AGMO: variants seen among roughly 807,000 people sequenced by gnomAD.
AGMO encodes alkylglycerol monooxygenase.
A neutral mutation model predicts 60.2 loss-of-function variants in AGMO; 75 were observed. That is an observed-to-expected ratio of 1.25 (90% CI 1.03 to 1.51). The LOEUF (loss-of-function observed/expected upper bound fraction) is 1.51. AGMO is among the 40% of genes most tolerant of loss of function. The pLI, the probability that AGMO is intolerant of heterozygous loss-of-function variation, is 0.00. For synonymous variants in AGMO, 261 were observed against 177.1 expected (o/e 1.47, Z -3.76); for missense variants, 763 against 525.5 (o/e 1.45, Z -4.42).
At chr7:15,469,743 T>C (rs1463387807) in intron 3 of AGMO, among the ~76,000 whole-genome samples, 4 of 152,076 alleles carry the variant, frequency 2.6e-5, no homozygotes, top group African/African-American at 9.7e-5. Flanking sequence ...AGATAGAGAA[T>C]ACATAAGGAA....
intron 12 of AGMO, among the ~76,000 whole-genome samples, chr7:15,325,387 G>C (rs1781305485): frequency 6.6e-6 from 1 of 151,808 alleles, no homozygotes; most frequent in African/African-American, 2.4e-5. Context: ...AATATTATCT[G>C]CAATTATTTA....
chr7:15,471,370 A>G (rs752805536), intron 3 of AGMO, among the ~76,000 whole-genome samples: 6 of 151,808 alleles, frequency 4.0e-5, no homozygotes, highest in Non-Finnish European at 8.8e-5. Flanking sequence ...AATTCAACAT[A>G]ATAATTATGA....
At chr7:15,351,309 T>C (rs1043342588) in intron 12 of AGMO, among the ~76,000 whole-genome samples, 7 of 152,100 alleles carry the variant, frequency 4.6e-5, no homozygotes, top group Non-Finnish European at 8.8e-5. Flanking sequence ...TTCTCCGCCA[T>C]TATGTAAGTA....
At chr7:15,440,174 T>C (rs1205617444) in intron 3 of AGMO, among the ~76,000 whole-genome samples, 3 of 152,146 alleles carry the variant, frequency 2.0e-5, no homozygotes, top group Admixed American at 6.5e-5. Context: ...TTATGTCCAA[T>C]AAGTACCAGT....
intron 12 of AGMO, among the ~76,000 whole-genome samples, chr7:15,317,131 A>C (rs774911831): frequency 5.9e-5 from 9 of 152,172 alleles, no homozygotes; most frequent in Non-Finnish European, 1.2e-4. Context: ...TCAAAGTGGT[A>C]ACGTTGACTT....
chr7:15,227,691 A>T (rs1782128521), intron 12 of AGMO, among the ~76,000 whole-genome samples: 1 of 152,108 alleles, frequency 6.6e-6, no homozygotes, highest in African/African-American at 2.4e-5. Flanking sequence ...ATTTACACGT[A>T]TCATCCATGA....
intron 3 of AGMO, among the ~76,000 whole-genome samples, chr7:15,453,479 G>C (rs968411562): frequency 3.9e-5 from 6 of 152,156 alleles, no homozygotes; most frequent in African/African-American, 1.4e-4. Context: ...GCTGCAAAAA[G>C]TGCTGCCTTA....
chr7:15,547,803 T>C (rs912447627), intron 2 of AGMO, among the ~76,000 whole-genome samples: 32 of 151,778 alleles, frequency 2.1e-4, no homozygotes, highest in African/African-American at 7.5e-4. Flanking sequence ...TCCAACTGGG[T>C]GGAACCCACC....
the AGMO span, among the ~76,000 whole-genome samples, chr7:15,138,032 T>TC: frequency 7.9e-5 from 12 of 152,112 alleles, no homozygotes; most frequent in African/African-American, 2.4e-4. Context: ...ATCCTCGCTT[T>TC]CCCCCCAAAT....
intron 12 of AGMO, among the ~76,000 whole-genome samples, chr7:15,226,452 T>C (rs568637470): frequency 2.0e-5 from 3 of 151,992 alleles, no homozygotes; most frequent in African/African-American, 4.8e-5. Flanking sequence ...AATGAGAAAA[T>C]AGTAGATACA....
intron 12 of AGMO, among the ~76,000 whole-genome samples, chr7:15,207,515 G>T (rs540438280): frequency 6.6e-6 from 1 of 152,178 alleles, no homozygotes; most frequent in South Asian, 2.1e-4. Flanking sequence ...TTTTCCTGGA[G>T]AATTTCTAAA....
intron 10 of AGMO, among the ~76,000 whole-genome samples, chr7:15,384,104 A>AT: frequency 6.6e-6 from 1 of 151,652 alleles, no homozygotes; most frequent in African/African-American, 2.4e-5. Flanking sequence ...CTGGCTACTT[A>AT]TTTTTGTATT....
At chr7:15,496,374 A>T (rs1371145990) in intron 3 of AGMO, among the ~76,000 whole-genome samples, 1 of 152,190 alleles carries the variant, frequency 6.6e-6, no homozygotes, top group Non-Finnish European at 1.5e-5. Flanking sequence ...AAGACAAATT[A>T]CTGTATTTCA....
At chr7:15,339,062 T>C (rs1480678059) in intron 12 of AGMO, among the ~76,000 whole-genome samples, 2 of 152,202 alleles carry the variant, frequency 1.3e-5, no homozygotes, top group African/African-American at 2.4e-5. Context: ...GTTACTGTAG[T>C]AGCGGAACTG....
chr7:15,265,918 G>A (rs1047701760), intron 12 of AGMO, among the ~76,000 whole-genome samples: 4 of 152,038 alleles, frequency 2.6e-5, no homozygotes, highest in African/African-American at 9.7e-5. Flanking sequence ...GCGAAATATG[G>A]TATACACATA....
intron 12 of AGMO, among the ~76,000 whole-genome samples, chr7:15,298,004 A>C (rs778043628): frequency 6.6e-6 from 1 of 152,306 alleles, no homozygotes; most frequent in Admixed American, 6.5e-5. Context: ...CAATACTTTA[A>C]TTCTAGGTAA....
chr7:15,486,246 T>C (rs1021539518), intron 3 of AGMO, among the ~76,000 whole-genome samples: 1 of 152,076 alleles, frequency 6.6e-6, no homozygotes, highest in East Asian at 1.9e-4. Context: ...GAGCAACATA[T>C]CAACGTGGAA....
At chr7:15,390,566 A>T in intron 8 of AGMO, 105 bp downstream of exon 8, 6 of 782,606 alleles carry the variant, frequency 7.7e-6, no homozygotes, top group Non-Finnish European at 1.2e-5. Context: ...AAATTTTTTC[A>T]GGTTAGTGTA....
chr7:15,252,493 A>G (rs1394428828), intron 12 of AGMO, among the ~76,000 whole-genome samples: 1 of 152,198 alleles, frequency 6.6e-6, no homozygotes, highest in Non-Finnish European at 1.5e-5. Flanking sequence ...GCTATTTAGA[A>G]AATGCCTATG....
Sources: allele counts gnomAD v4.1 joint callset (sites outside exome capture counted in the v4.1 genomes callset), GRCh38; gene constraint gnomAD v4.1.1; transcripts MANE v1.5; gene names NCBI Gene and HGNC (gene_info 2026-07-23, HGNC 2026-07-21).